Variants in KLF15 observed in about 807,000 individuals in gnomAD.
The protein encoded by KLF15 is KLF transcription factor 15.
In KLF15, 4 loss-of-function variants were observed where a neutral mutation model predicts 24.6. The observed-to-expected ratio is 0.16, with a 90% CI of 0.08 to 0.37. The LOEUF is 0.37. KLF15 is among the 10% of genes least tolerant of loss of function. KLF15 has a pLI of 1.00. For missense variants in KLF15, 496 were observed against 560.6 expected, an observed-to-expected ratio of 0.88 and a Z score of 1.16; for synonymous variants, 246 against 236.3, an observed-to-expected ratio of 1.04 and a Z score of -0.37.
chr3:126,326,487 T>C, the KLF15 span, among the ~76,000 whole-genome samples: 1 of 152,206 alleles, frequency 6.6e-6, no homozygotes, highest in Non-Finnish European at 1.5e-5. Flanking sequence ...GGAAAATAAA[T>C]TGTGGTGCCC....
chr3:126,353,297 G>T (rs2082602939), intron 1 of KLF15, among the ~76,000 whole-genome samples: 1 of 152,130 alleles, frequency 6.6e-6, no homozygotes, highest in Non-Finnish European at 1.5e-5. Flanking sequence ...CCCCAGGAGG[G>T]CCAAAGCCCT....
At chr3:126,335,175 TA>T in the KLF15 span, among the ~76,000 whole-genome samples, 10 of 120,194 alleles carry the variant, frequency 8.3e-5, no homozygotes, top group African/African-American at 3.3e-4. Flanking sequence ...AAATCCTCAA[TA>T]AAATACTGGC....
the KLF15 span, chr3:126,290,662 A>G: frequency 9.9e-5 from 15 of 152,160 alleles, no homozygotes; most frequent in African/African-American, 3.1e-4. Context: ...CTCCATTCCA[A>G]GATTACAGAA....
At chr3:126,304,074 T>G in the KLF15 span, among the ~76,000 whole-genome samples, 1 of 152,250 alleles carries the variant, frequency 6.6e-6, no homozygotes, top group Non-Finnish European at 1.5e-5. Context: ...TTGATTTTTC[T>G]TTAGTAACGG....
chr3:126,351,145 A>G (rs1471163895), intron 2 of KLF15, among the ~76,000 whole-genome samples: 2 of 152,234 alleles, frequency 1.3e-5, no homozygotes, highest in African/African-American at 2.4e-5. Flanking sequence ...CCCCACTGCC[A>G]TGCAGACCAG....
intron 1 of KLF15, among the ~76,000 whole-genome samples, chr3:126,355,500 T>A (rs970817723): frequency 6.6e-6 from 1 of 152,174 alleles, no homozygotes; most frequent in Non-Finnish European, 1.5e-5. Context: ...TAGTTAGATC[T>A]CGGCTCAGAA....
At chr3:126,328,528 A>G in the KLF15 span, among the ~76,000 whole-genome samples, 1 of 152,188 alleles carries the variant, frequency 6.6e-6, no homozygotes, top group African/African-American at 2.4e-5. Context: ...TAGTGGCTGT[A>G]CTAGTTTACA....
chr3:126,327,446 A>G, the KLF15 span, among the ~76,000 whole-genome samples: 1 of 152,042 alleles, frequency 6.6e-6, no homozygotes, highest in Non-Finnish European at 1.5e-5. Flanking sequence ...CCAGGTTGGG[A>G]TGTCTGTGGA....
downstream of KLF15, among the ~76,000 whole-genome samples, chr3:126,339,204 G>C (rs1022240927): frequency 1.3e-5 from 2 of 152,282 alleles, no homozygotes; most frequent in Non-Finnish European, 1.5e-5. Flanking sequence ...AATGGGAGCC[G>C]AGCCAGAGCC....
At chr3:126,310,860 A>G in the KLF15 span, among the ~76,000 whole-genome samples, 10 of 152,198 alleles carry the variant, frequency 6.6e-5, no homozygotes, top group Non-Finnish European at 5.9e-5. Context: ...GGGGGACACA[A>G]TGCAGCTCAC....
the KLF15 span, chr3:126,291,222 C>T: frequency 6.9e-3 from 1,056 of 152,324 alleles, 8 homozygotes; most frequent in Middle Eastern, 0.017. Flanking sequence ...GGCACAGCAA[C>T]CTTAAGACCA....
chr3:126,298,069 G>A, the KLF15 span, among the ~76,000 whole-genome samples: 1 of 152,182 alleles, frequency 6.6e-6, no homozygotes, highest in Non-Finnish European at 1.5e-5. Context: ...CCTACCAGCA[G>A]TGTAGAAATG....
the KLF15 span, among the ~76,000 whole-genome samples, chr3:126,296,421 A>C: frequency 6.6e-6 from 1 of 152,158 alleles, no homozygotes; most frequent in African/African-American, 2.4e-5. Context: ...GTTAGCCAGG[A>C]TGGTCTTTAT....
the KLF15 span, among the ~76,000 whole-genome samples, chr3:126,328,811 G>C: frequency 2.0e-5 from 3 of 152,116 alleles, no homozygotes; most frequent in Middle Eastern, 3.2e-3. Flanking sequence ...TACAAAGTTA[G>C]ATATCTTCTC....
chr3:126,349,131 A>C (rs990139287), intron 2 of KLF15, among the ~76,000 whole-genome samples: 1 of 152,138 alleles, frequency 6.6e-6, no homozygotes, highest in Non-Finnish European at 1.5e-5. Context: ...AAGAGACACA[A>C]GCAGACTGGG....
downstream of KLF15, among the ~76,000 whole-genome samples, chr3:126,341,037 G>A (rs2082475961): frequency 6.6e-6 from 1 of 152,200 alleles, no homozygotes; most frequent in Admixed American, 6.5e-5. Flanking sequence ...ATCTAGAGAG[G>A]TCTAGGACAC....
intron 1 of KLF15, among the ~76,000 whole-genome samples, chr3:126,353,815 C>T (rs901754597): frequency 6.6e-6 from 1 of 152,228 alleles, no homozygotes; most frequent in Non-Finnish European, 1.5e-5. Context: ...TGGCCAAGGC[C>T]CTGCCCCTCT....
At chr3:126,323,437 CA>C in the KLF15 span, among the ~76,000 whole-genome samples, 3 of 47,734 alleles carry the variant, frequency 6.3e-5, no homozygotes, top group African/African-American at 2.5e-4. Flanking sequence ...ATATATATAA[CA>C]TATATATGTT....
At chr3:126,351,212 G>T (rs1318462858) in intron 2 of KLF15, among the ~76,000 whole-genome samples, 1 of 152,128 alleles carries the variant, frequency 6.6e-6, no homozygotes, top group Non-Finnish European at 1.5e-5. Context: ...CCTCCCTCTG[G>T]GTTGGCCTTT....
Sources: allele counts gnomAD v4.1 joint callset (sites outside exome capture counted in the v4.1 genomes callset), GRCh38; gene constraint gnomAD v4.1.1; transcripts MANE v1.5; gene names NCBI Gene and HGNC (gene_info 2026-07-23, HGNC 2026-07-21).